Variants in ADAMTS7 observed in about 807,000 individuals in gnomAD.
ADAMTS7 encodes A disintegrin and metalloproteinase with thrombospondin motifs 7.
In ADAMTS7, 89 loss-of-function variants were observed where a neutral mutation model predicts 172.6. That is an observed-to-expected ratio of 0.52 (90% CI 0.43 to 0.61). The LOEUF (loss-of-function observed/expected upper bound fraction) is 0.61, where lower values mean the gene tolerates loss of function less well. ADAMTS7 is among the 20% of genes least tolerant of loss of function. ADAMTS7 has a pLI of 0.00. For missense variants in ADAMTS7, 1,973 were observed against 2,355.6 expected, an observed-to-expected ratio of 0.84 and a Z score of 3.36; for synonymous variants, 885 against 978.4, an observed-to-expected ratio of 0.90 and a Z score of 1.78.
Position 78,766,871 on chromosome 15 carries a change from C to T in ADAMTS7, c.3040G>A (p.Glu1014Lys), listed in dbSNP as rs908906738. 5 of 1,609,264 alleles carry T rather than the reference C, an allele frequency of 3.1e-6. No individual in the cohort carries two copies. Among genetic ancestry groups the T allele is most frequent in the Non-Finnish European group, 3.4e-6 (4 of 1,178,928 alleles). ...EGSGSGSSSHELFNEADFIPH... is the reference protein window; with the variant it reads ...EGSGSGSSSHKLFNEADFIPH... ...ATGAAGTCAGCCTCGTTGAAGAGCT[C>T]GTGGCTGGAGGAGCCGCTGCCTGAG... The change falls in exon 19 of 24, where the codon GAG (glutamate) becomes AAG (lysine). Residue 1014 changes from glutamate (E) to lysine (K), a missense_variant. Physicochemically the swap from Glu to Lys is moderately conservative, Grantham distance 56. Coordinates refer to ENST00000388820, the MANE Select transcript of ADAMTS7 (RefSeq NM_014272.5).
chr15:78,763,033 C>T (rs1322104039), intron 22 of ADAMTS7, among the ~76,000 whole-genome samples: 1 of 152,218 alleles, frequency 6.6e-6, no homozygotes, highest in African/African-American at 2.4e-5. Flanking sequence ...TGTTATCAGC[C>T]CTAAACATGC....
In ADAMTS7 at chr15:78,771,723, C is replaced by T. The variant is rs747030659; in HGVS notation, c.2238G>A (p.Lys746=). ...TGGTCCAGCCACCATTGAGGAAGTA[C>T]TTCTCCGGGTCCTCGCTCCGCAGTG... ...FLALRSEDPE[K]YFLNGGWTIQ... The change falls in exon 15 of 24, where the codon AAG becomes AAA. Residue 746 remains lysine (K), a synonymous_variant. Coordinates refer to ENST00000388820, the MANE Select transcript of ADAMTS7 (RefSeq NM_014272.5). The surrounding 1 kb of genome is among the most constrained non-coding windows in gnomAD (Gnocchi z 4.9). The T allele has an allele frequency of 5.0e-6, 8 of 1,609,864 alleles. No homozygotes were observed. The highest frequency in any genetic ancestry group is 6.8e-6 in the Non-Finnish European group (8 of 1,180,002).
At chr15:78,777,998 A>G (rs985965209) in intron 8 of ADAMTS7, among the ~76,000 whole-genome samples, 1 of 152,118 alleles carries the variant, frequency 6.6e-6, no homozygotes, top group African/African-American at 2.4e-5. Flanking sequence ...TTGACACAAC[A>G]GAGCCTCCGA....
At position 78,764,118 on chromosome 15, in the gene ADAMTS7, G is replaced by C; in HGVS notation, c.4420-19C>G. 6.6e-7 allele frequency: 1 copy of C among 1,507,834 alleles called. No individual in the cohort carries two copies. Among genetic ancestry groups the C allele is most frequent in the South Asian group, 1.3e-5 (1 of 78,306 alleles). 93.4% of individuals were successfully genotyped at this position (1,507,834 alleles called of 1,614,324 possible). A position where few individuals can be genotyped will look rare whatever the true frequency, so the allele number is the denominator to read the frequency against. On this transcript the variant is annotated intron_variant, in intron 20 of 23. Coordinates refer to ENST00000388820, the MANE Select transcript of ADAMTS7 (RefSeq NM_014272.5). ...GGGAGCACTGGGGACCGAGAGACGTGTATGGACACATCCCCATGTGCAGGC... is the reference window on the plus strand; with the variant it reads ...GGGAGCACTGGGGACCGAGAGACGTCTATGGACACATCCCCATGTGCAGGC...
intron 4 of ADAMTS7, among the ~76,000 whole-genome samples, chr15:78,795,471 C>T (rs887166046): frequency 2.0e-5 from 3 of 152,152 alleles, no homozygotes; most frequent in Non-Finnish European, 4.4e-5. Context: ...AGATAACAGC[C>T]CTGGATGCAG....
At chr15:78,794,276 T>C (rs964426454) in intron 4 of ADAMTS7, among the ~76,000 whole-genome samples, 7 of 152,114 alleles carry the variant, frequency 4.6e-5, no homozygotes, top group African/African-American at 1.7e-4. Flanking sequence ...GGGGTGAGGC[T>C]TAGATGAGGT....
Position 78,800,156 on chromosome 15 carries a change from A to C in ADAMTS7, c.456+36T>G, listed in dbSNP as rs766134645. ...GCCAATCTGCACATCCCACCACCCG[A>C]GACTGCCCCAAGTATACATGTCCCA... On this transcript the variant is annotated intron_variant, in intron 2 of 23. Transcript: ENST00000388820. 1.2e-5 allele frequency: 19 copies of C among 1,556,134 alleles called. No homozygotes were observed. In the East Asian group the frequency reaches 3.4e-4, roughly 28 times the overall value.
At chr15:78,793,460 TCAAG>T (rs1177593613) in intron 4 of ADAMTS7, among the ~76,000 whole-genome samples, 7 of 151,906 alleles carry the variant, frequency 4.6e-5, no homozygotes, top group African/African-American at 1.7e-4. Flanking sequence ...CCTCCTGGGC[TCAAG>T]CAATCCTCCC....
rs1567213244 is a variant in ADAMTS7 at position 78,771,725 on chromosome 15, T to C, written c.2236A>G (p.Lys746Glu). 1.2e-6 allele frequency: 2 copies of C among 1,610,030 alleles called. No individual in the cohort carries two copies. Among genetic ancestry groups the C allele is most frequent in the South Asian group, 1.1e-5 (1 of 91,042 alleles). The change falls in exon 15 of 24, where the codon AAG becomes GAG. Residue 746 changes from lysine to glutamate, a missense_variant. Lys to Glu is a moderately conservative substitution (Grantham distance 56). Coordinates refer to ENST00000388820, the MANE Select transcript of ADAMTS7 (RefSeq NM_014272.5). The surrounding 1 kb of genome is among the most constrained non-coding windows in gnomAD (Gnocchi z 4.9). ...GTCCAGCCACCATTGAGGAAGTACT[T>C]CTCCGGGTCCTCGCTCCGCAGTGCC... ...FLALRSEDPE[K>E]YFLNGGWTIQ...
rs147404480 is a variant in ADAMTS7, at chr15:78,786,402, T to C, written c.1322+1829A>G. On this transcript the variant is annotated intron_variant, in intron 8 of 23. Transcript: ENST00000388820. Reference sequence around the variant, plus strand: ...GGAGTTCGGTGAGACTCAAAGCAATTAGATGTTAAACATGTTATGTCAACA... The same window carrying C: ...GGAGTTCGGTGAGACTCAAAGCAATCAGATGTTAAACATGTTATGTCAACA... Among the ~76,000 whole-genome samples, 150 of 152,250 alleles carry C rather than the reference T, an allele frequency of 9.9e-4. 1 individual carries two copies. Among genetic ancestry groups the C allele is most frequent in the African/African-American group, 3.5e-3 (146 of 41,534 alleles).
intron 8 of ADAMTS7, among the ~76,000 whole-genome samples, chr15:78,782,203 G>A (rs570626878): frequency 1.3e-5 from 2 of 152,056 alleles, no homozygotes; most frequent in Non-Finnish European, 2.9e-5. Flanking sequence ...GCTAATTTTT[G>A]TATTTTTAGT....
In ADAMTS7 at chr15:78,767,361, T is replaced by C. The variant is rs1809424; in HGVS notation, c.2859+18A>G. On this transcript the variant is annotated intron_variant, in intron 18 of 23. Transcript: ENST00000388820. ...AAGGGTGGAGCTGGAGGCGGGCCCCTTCCCATCCCACACTCACCTGAGACC... is the reference window on the plus strand; with the variant it reads ...AAGGGTGGAGCTGGAGGCGGGCCCCCTCCCATCCCACACTCACCTGAGACC... The C allele has an allele frequency of 0.39, 629,827 of 1,608,672 alleles. 128,564 individuals are homozygous for C. The highest frequency in any genetic ancestry group is 0.43 in the Non-Finnish European group (501,821 of 1,177,974).
Position 78,763,528 on chromosome 15 carries a change from G to T in ADAMTS7, c.4740+171C>A, listed in dbSNP as rs377248901. ...ACCACAGCACACGCGCCCTTTCCTT[G>T]TCTGTTTCTCCCTGGCAGGTGTGAG... On this transcript the variant is annotated intron_variant, in intron 22 of 23. Coordinates refer to ENST00000388820, the MANE Select transcript of ADAMTS7 (RefSeq NM_014272.5). 3.3e-5 allele frequency among the ~76,000 whole-genome samples: 5 copies of T among 152,308 alleles called. No individual in the cohort carries two copies. The East Asian group carries it at 5.8e-4, about 18-fold the overall frequency.
chr15:78,806,979 C>T (rs1448330918), intron 1 of ADAMTS7, among the ~76,000 whole-genome samples: 1 of 152,176 alleles, frequency 6.6e-6, no homozygotes, highest in Non-Finnish European at 1.5e-5. Context: ...GTTGGCCAGG[C>T]TGGTCTCGAA....
chr15:78,762,740 G>C (rs577894243), intron 22 of ADAMTS7, among the ~76,000 whole-genome samples, 175 bp from the exon 23 acceptor site: 1 of 152,352 alleles, frequency 6.6e-6, no homozygotes, highest in East Asian at 1.9e-4. Context: ...AGCCCACTTG[G>C]TGCTGGAACC....
rs1465158132 is a variant in ADAMTS7 at position 78,788,306 on chromosome 15, G to C, written c.1247C>G (p.Ser416Cys). 45 of 1,613,826 alleles carry C rather than the reference G, an allele frequency of 2.8e-5. No individual in the cohort carries two copies. Among genetic ancestry groups the C allele is most frequent in the Non-Finnish European group, 3.8e-5 (45 of 1,180,028 alleles). ...EPVGKRPFIM[S>C]PQLLYDAAPL... is the part of the protein sequence containing the mutation. ...AGCGGCGTCGTACAGGAGCTGTGGAGACATGATGAAAGGTCGTTTCCCAAC... is the reference window on the plus strand; with the variant it reads ...AGCGGCGTCGTACAGGAGCTGTGGACACATGATGAAAGGTCGTTTCCCAAC... The change falls in exon 8 of 24, where the codon TCT (serine) becomes TGT (cysteine). Residue 416 changes from serine (S) to cysteine (C), a missense_variant. Physicochemically the swap from Ser to Cys is moderately radical, Grantham distance 112. Transcript: ENST00000388820.
At chr15:78,761,714 G>A (rs777526323) in intron 23 of ADAMTS7, among the ~76,000 whole-genome samples, 1 of 152,170 alleles carries the variant, frequency 6.6e-6, no homozygotes, top group African/African-American at 2.4e-5. Context: ...GCTGCAGGAA[G>A]GAAGTGTATG....
intron 7 of ADAMTS7, 75 bp from the exon 8 acceptor site, chr15:78,788,449 C>A (rs1482761044): frequency 1.9e-6 from 3 of 1,566,354 alleles, no homozygotes; most frequent in Admixed American, 1.7e-5. Flanking sequence ...TGGACACCCA[C>A]AAGGTGCGCA....
At chr15:78,761,163 T>G (rs2055037521) in intron 23 of ADAMTS7, among the ~76,000 whole-genome samples, 1 of 152,188 alleles carries the variant, frequency 6.6e-6, no homozygotes, top group African/African-American at 2.4e-5. Flanking sequence ...AGACCACCCA[T>G]GCCAGAGGCA....
Sources: allele counts gnomAD v4.1 joint callset (sites outside exome capture counted in the v4.1 genomes callset), GRCh38; gene constraint gnomAD v4.1.1; non-coding constraint Gnocchi (gnomAD v3.1); transcripts MANE v1.5; gene names NCBI Gene and HGNC (gene_info 2026-07-23, HGNC 2026-07-21).